ZDHHC24: variants seen among roughly 807,000 people sequenced by gnomAD.
ZDHHC24 encodes zDHHC palmitoyltransferase 24.
A neutral mutation model predicts 23.2 loss-of-function variants in ZDHHC24; 17 were observed. The observed-to-expected ratio is 0.73, with a 90% CI of 0.50 to 1.10. ZDHHC24 has a LOEUF of 1.10. ZDHHC24 is among the 50% of genes least tolerant of loss of function. The pLI, the probability that ZDHHC24 is intolerant of heterozygous loss-of-function variation, is 0.00. For synonymous variants in ZDHHC24, 186 were observed against 194.5 expected, an observed-to-expected ratio of 0.96 and a Z score of 0.36; for missense variants, 366 against 393.0, an observed-to-expected ratio of 0.93 and a Z score of 0.58.
chr11:66,537,993 A>T lies in ZDHHC24; in HGVS notation c.*1536T>A, dbSNP rs1857028423. The T allele has an allele frequency of 6.6e-6, 1 of 152,142 alleles. No homozygotes were observed. The highest frequency in any genetic ancestry group is 1.5e-5 in the Non-Finnish European group (1 of 68,042). The allele number at this position is 152,142 out of a possible 1,614,324, so 9.4% of individuals were successfully genotyped here. The stretch of plus-strand genomic sequence containing the variant: ...AATTGTCAGCCAGGCACGGTAGCTC[A>T]CGCCTGTAATCCTAGCACTTTGGGA... On this transcript the variant is annotated 3_prime_UTR_variant, in exon 3 of 3. Coordinates refer to ENST00000310442, the MANE Select transcript of ZDHHC24 (RefSeq NM_207340.3).
At chr11:66,529,999 C>T in intron 2 of ZDHHC24, 1 of 1,563,722 alleles carries the variant, frequency 6.4e-7, no homozygotes, top group South Asian at 1.2e-5. Flanking sequence ...GGGCAGAGGC[C>T]AGGATGCGCA....
downstream of ZDHHC24, chr11:66,531,584 C>A (rs1856782563): frequency 6.3e-7 from 1 of 1,596,400 alleles, no homozygotes; most frequent in Non-Finnish European, 8.6e-7. Context: ...AGACTGCGGG[C>A]CTGAATGCAC....
downstream of ZDHHC24, chr11:66,532,222 G>A: frequency 1.5e-6 from 1 of 651,046 alleles, no homozygotes; most frequent in Non-Finnish European, 2.6e-6. Context: ...GAGTACCTAG[G>A]GCGGCTCAAC....
chr11:66,543,908 G>A lies in ZDHHC24; in HGVS notation c.355C>T (p.Arg119Cys), dbSNP rs149584176. ...HCSACRVCIL[R>C]RDHHCRLLGR... ...AGCAGGCGGCAGTGGTGGTCCCGAC[G>A]CAGGATGCAGACGCGGCAGGCAGAG... Residue 119 changes from arginine (R) to cysteine (C), a missense_variant, in exon 2 of 3, where the codon CGT becomes TGT. By Grantham distance (180) the Arg-to-Cys change is radical. Transcript: ENST00000310442. The A allele has an allele frequency of 3.7e-5, 59 of 1,614,034 alleles. No homozygotes were observed. Among genetic ancestry groups the A allele is most frequent in the Middle Eastern group, 3.3e-4 (2 of 6,048 alleles).
intron 4 of ZDHHC24, chr11:66,522,976 C>T (rs187115562): frequency 1.4e-5 from 5 of 365,572 alleles, no homozygotes; most frequent in African/African-American, 6.4e-5. Context: ...AAGACATTGG[C>T]GTGTGCTCCT....
intron 2 of ZDHHC24, among the ~76,000 whole-genome samples, chr11:66,530,176 A>T (rs1418200227): frequency 1.3e-5 from 2 of 152,042 alleles, no homozygotes; most frequent in Non-Finnish European, 2.9e-5. Flanking sequence ...TCGGCTGGCC[A>T]TGCCGTGGGA....
chr11:66,531,554 G>A (rs1008735805), downstream of ZDHHC24: 91 of 1,482,052 alleles, frequency 6.1e-5, no homozygotes, highest in Non-Finnish European at 7.8e-5. Context: ...CCACCCTGCA[G>A]GGGTGCTGAG....
intron 1 of ZDHHC24, among the ~76,000 whole-genome samples, chr11:66,544,767 T>C (rs1857260694): frequency 6.6e-6 from 1 of 152,176 alleles, no homozygotes; most frequent in Non-Finnish European, 1.5e-5. Flanking sequence ...CAGGCTGGAG[T>C]GTAGTGGTTG....
Position 66,523,331 on chromosome 11 carries a change from A to C in ZDHHC24, c.*22-1865T>G, listed in dbSNP as rs564473733. Reference sequence around the variant, plus strand: ...AGGTGGCAGAAGTGGAAATAATCCCAGGGTCATCTGCTTTGGGGCCAGTGT... The same window carrying C: ...AGGTGGCAGAAGTGGAAATAATCCCCGGGTCATCTGCTTTGGGGCCAGTGT... On this transcript the variant is annotated intron_variant, in intron 4 of 4. Transcript: ENST00000526986. The C allele has an allele frequency of 8.2e-6, 11 of 1,348,754 alleles. No individual in the cohort carries two copies. In the African/African-American group the frequency reaches 1.4e-4, roughly 18 times the overall value. The allele number at this position is 1,348,754 out of a possible 1,614,324, so 83.5% of individuals were successfully genotyped here.
At chr11:66,522,324 C>T (rs1856277291) in intron 4 of ZDHHC24, among the ~76,000 whole-genome samples, 1 of 151,492 alleles carries the variant, frequency 6.6e-6, no homozygotes, top group Admixed American at 6.6e-5. Flanking sequence ...GTTTAATATT[C>T]CATATAAAAT....
chr11:66,539,748 A>T lies in ZDHHC24; in HGVS notation c.636T>A (p.Ala212=), dbSNP rs769035719. ...TCVAGALLCG[A]GLLFHGMLLL... ...GCAGCATCCCATGGAAGAGCAGCCC[A>T]GCCCCGCACAGCAGCGCACCCGCCA... is the stretch of plus-strand genomic sequence containing the variant. Residue 212 remains alanine, a synonymous_variant, in exon 3 of 3, where the codon GCT becomes GCA. Coordinates refer to ENST00000310442, the MANE Select transcript of ZDHHC24 (RefSeq NM_207340.3). The T allele has an allele frequency of 9.3e-6, 15 of 1,613,080 alleles. No homozygotes were observed. In the Admixed American group the frequency reaches 2.5e-4, roughly 27 times the overall value.
At chr11:66,529,724 C>T (rs1363017662) in intron 2 of ZDHHC24, 3 of 1,495,780 alleles carry the variant, frequency 2.0e-6, no homozygotes, top group East Asian at 2.3e-5. Flanking sequence ...CCTCTTGCAC[C>T]CTCCCCACAC....
At position 66,539,265 on chromosome 11, in the gene ZDHHC24, A is replaced by G. The variant is rs1857072874; in HGVS notation, c.*264T>C. On this transcript the variant is annotated 3_prime_UTR_variant, in exon 3 of 3. Transcript: ENST00000310442. ...TGCAAAGATGGAGGGAGGCTGAGAA[A>G]CAAGTCAGTGCTTTATTAACCTGGC... 1 of 1,198,034 alleles carries G rather than the reference A, an allele frequency of 8.3e-7. No homozygotes were observed. The highest frequency in any genetic ancestry group is 3.9e-5 in the South Asian group (1 of 25,806). The allele number at this position is 1,198,034 out of a possible 1,614,324, so 74.2% of individuals were successfully genotyped here.
In ZDHHC24 at chr11:66,536,994, C is replaced by T. The variant is rs1856988776; in HGVS notation, c.*2535G>A. The T allele has an allele frequency of 6.6e-6, 1 of 151,978 alleles. No homozygotes were observed. Among genetic ancestry groups the T allele is most frequent in the Non-Finnish European group, 1.5e-5 (1 of 67,998 alleles). 9.4% of individuals were successfully genotyped at this position (151,978 alleles called of 1,614,324 possible). Reference sequence around the variant, plus strand: ...AAAGTGCCAGGTACACCAAGTTCCTCCTGTCATTAAAAAATAGCAACAGAG... The same window carrying T: ...AAAGTGCCAGGTACACCAAGTTCCTTCTGTCATTAAAAAATAGCAACAGAG... On this transcript the variant is annotated 3_prime_UTR_variant, in exon 3 of 3. Coordinates refer to ENST00000310442, the MANE Select transcript of ZDHHC24 (RefSeq NM_207340.3).
downstream of ZDHHC24, among the ~76,000 whole-genome samples, chr11:66,534,774 C>T (rs1470295523): frequency 6.6e-6 from 1 of 152,132 alleles, no homozygotes; most frequent in Non-Finnish European, 1.5e-5. Context: ...CGGCTCGCTG[C>T]AAGCATCACC....
chr11:66,524,085 G>C (rs1856376951), intron 4 of ZDHHC24: 1 of 723,036 alleles, frequency 1.4e-6, no homozygotes, highest in Admixed American at 2.2e-5. Flanking sequence ...TTCAAAACCA[G>C]CCTAGCCAAC....
chr11:66,529,751 G>T, intron 2 of ZDHHC24: 3 of 1,584,478 alleles, frequency 1.9e-6, no homozygotes, highest in Non-Finnish European at 2.6e-6. Context: ...GAGCAGGAGT[G>T]CCCCGTTGCT....
At chr11:66,542,844 G>A (rs1033822165) in intron 2 of ZDHHC24, 2 of 150,964 alleles carry the variant, frequency 1.3e-5, no homozygotes, top group Non-Finnish European at 2.9e-5. Context: ...GGGAGGCAGA[G>A]GAGGACCCAT....
intron 4 of ZDHHC24, among the ~76,000 whole-genome samples, chr11:66,525,027 C>T (rs547157829): frequency 3.4e-4 from 52 of 152,136 alleles, no homozygotes; most frequent in African/African-American, 1.3e-3. Context: ...GGTAAAACCC[C>T]GTCTCTACTA....
Sources: allele counts gnomAD v4.1 joint callset (sites outside exome capture counted in the v4.1 genomes callset), GRCh38; gene constraint gnomAD v4.1.1; transcripts MANE v1.5; gene names NCBI Gene and HGNC (gene_info 2026-07-23, HGNC 2026-07-21).